The following CHODL variants were observed in gnomAD, a reference collection of about 807,000 sequenced individuals.
CHODL encodes the protein transmembrane protein MT75.
A neutral mutation model predicts 34.5 loss-of-function variants in CHODL; 29 were observed. The observed-to-expected ratio is 0.84, with a 90% CI of 0.63 to 1.15. CHODL has a LOEUF of 1.15. Ranked by LOEUF, CHODL falls within the 50% of genes most tolerant of loss-of-function variation. The pLI, the probability that CHODL is intolerant of heterozygous loss-of-function variation, is 0.00. For synonymous variants in CHODL, 125 were observed against 116.1 expected (o/e 1.08, Z -0.49); for missense variants, 332 against 332.5 (o/e 1.00, Z 0.01).
intron 2 of CHODL, among the ~76,000 whole-genome samples, chr21:18,150,951 G>A (rs2072957634): frequency 6.6e-6 from 1 of 151,940 alleles, no homozygotes; most frequent in African/African-American, 2.4e-5. Flanking sequence ...GGGCATGATG[G>A]CAGGCACCTG....
chr21:18,242,463 C>T (rs182876386), upstream of CHODL, among the ~76,000 whole-genome samples: 569 of 151,302 alleles, frequency 3.8e-3, 3 homozygotes, highest in Non-Finnish European at 6.2e-3. Context: ...AAGCTTCCAT[C>T]AGGGCTCTCC....
intron 1 of CHODL, among the ~76,000 whole-genome samples, chr21:17,931,103 T>A (rs2063269206): frequency 6.6e-6 from 1 of 152,186 alleles, no homozygotes; most frequent in Non-Finnish European, 1.5e-5. Flanking sequence ...GCAGCAACCT[T>A]GGCACATTTC....
intron 1 of CHODL, among the ~76,000 whole-genome samples, chr21:18,002,932 G>A (rs2063921368): frequency 6.6e-6 from 1 of 151,974 alleles, no homozygotes; most frequent in African/African-American, 2.4e-5. Context: ...GACCATCCGG[G>A]CTAACACGGT....
chr21:18,266,039 T>TAAC lies in CHODL; in HGVS notation c.*2_*4dup, dbSNP rs1347619507. 3 of 1,613,576 alleles carry TAAC rather than the reference T, an allele frequency of 1.9e-6. No homozygotes were observed. Among genetic ancestry groups the TAAC allele is most frequent in the Non-Finnish European group, 2.5e-6 (3 of 1,179,710 alleles). ...AAAAGAAAGTGGCATGGAAGTATAA[T>TAAC]AACTCATTGACTTGGTTCCAGAATT... On this transcript the variant is annotated 3_prime_UTR_variant, in exon 6 of 6. Coordinates refer to ENST00000299295, the MANE Select transcript of CHODL (RefSeq NM_024944.3).
At chr21:18,047,619 A>C (rs1012065853) in intron 2 of CHODL, among the ~76,000 whole-genome samples, 5 of 151,922 alleles carry the variant, frequency 3.3e-5, no homozygotes, top group African/African-American at 9.7e-5. Context: ...TCACCGTTGC[A>C]ATAAATATAA....
chr21:18,125,503 C>T (rs533582785), intron 2 of CHODL, among the ~76,000 whole-genome samples: 1 of 151,882 alleles, frequency 6.6e-6, no homozygotes, highest in African/African-American at 2.4e-5. Flanking sequence ...GTGAGGAAAA[C>T]GTTTCTCACT....
chr21:18,154,988 G>A (rs2146633535), intron 2 of CHODL, among the ~76,000 whole-genome samples: 2 of 152,302 alleles, frequency 1.3e-5, no homozygotes, highest in Middle Eastern at 3.4e-3. Context: ...GTAGGGCATA[G>A]CTTGGTTGTG....
chr21:18,113,024 G>T (rs2065370071), intron 2 of CHODL, among the ~76,000 whole-genome samples: 1 of 152,084 alleles, frequency 6.6e-6, no homozygotes, highest in Non-Finnish European at 1.5e-5. Flanking sequence ...CCCTCTGACA[G>T]GGTATAAATA....
chr21:17,943,026 G>T (rs560723901), intron 1 of CHODL, among the ~76,000 whole-genome samples: 1 of 152,288 alleles, frequency 6.6e-6, no homozygotes, highest in South Asian at 2.1e-4. Context: ...AGTTTCCTGA[G>T]GCCTCCCCAG....
chr21:18,253,056 G>C (rs905893183), intron 1 of CHODL, among the ~76,000 whole-genome samples: 4 of 152,040 alleles, frequency 2.6e-5, no homozygotes, highest in Non-Finnish European at 5.9e-5. Flanking sequence ...ACATAATGGT[G>C]TTAGAAATTT....
intron 2 of CHODL, among the ~76,000 whole-genome samples, chr21:18,077,188 T>C (rs1390523378): frequency 6.6e-6 from 1 of 152,178 alleles, no homozygotes; most frequent in Non-Finnish European, 1.5e-5. Context: ...ATTTCTTCTT[T>C]CCTATTTTCC....
chr21:18,121,680 G>T (rs1313217533), intron 2 of CHODL, among the ~76,000 whole-genome samples: 1 of 152,094 alleles, frequency 6.6e-6, no homozygotes, highest in African/African-American at 2.4e-5. Flanking sequence ...TGAGTGAGGG[G>T]TGTTCGTTCT....
chr21:18,174,123 GTATA>G (rs1159511070), intron 2 of CHODL, among the ~76,000 whole-genome samples: 641 of 21,498 alleles, frequency 0.03, 41 homozygotes, highest in Middle Eastern at 0.17. Context: ...ATATCTTGGT[GTATA>G]TATATATATA....
chr21:18,126,325 T>G (rs1394143810), intron 2 of CHODL, among the ~76,000 whole-genome samples: 1 of 152,202 alleles, frequency 6.6e-6, no homozygotes, highest in Non-Finnish European at 1.5e-5. Context: ...GGCATGTACA[T>G]TTTTTAAGAA....
intron 2 of CHODL, among the ~76,000 whole-genome samples, chr21:18,056,798 C>T (rs909384707): frequency 9.9e-5 from 15 of 152,014 alleles, no homozygotes; most frequent in African/African-American, 3.4e-4. Context: ...TCTAATTTTT[C>T]TGAGGAGATT....
chr21:18,135,719 T>C (rs1030431778), intron 2 of CHODL, among the ~76,000 whole-genome samples: 1 of 152,190 alleles, frequency 6.6e-6, no homozygotes, highest in Non-Finnish European at 1.5e-5. Flanking sequence ...TGAAACCAAA[T>C]ATGACTCTTG....
intron 2 of CHODL, among the ~76,000 whole-genome samples, chr21:18,112,767 A>G (rs1345370594): frequency 6.6e-6 from 1 of 152,216 alleles, no homozygotes; most frequent in Non-Finnish European, 1.5e-5. Flanking sequence ...AATCAAATCT[A>G]AATGCACCAA....
Position 17,919,556 on chromosome 21 carries a change from G to T in CHODL, c.-145+2156G>T, listed in dbSNP as rs182436885. On this transcript the variant is annotated intron_variant, in intron 1 of 6. Coordinates refer to the CHODL transcript ENST00000400127. Reference sequence around the variant, plus strand: ...CAGAGGGACCCTAGGTCTGGCCCACGAAACCATTTTTTCCTCCTAAATCTC... The same window carrying T: ...CAGAGGGACCCTAGGTCTGGCCCACTAAACCATTTTTTCCTCCTAAATCTC... Among the ~76,000 whole-genome samples the T allele has an allele frequency of 9.9e-5, 15 of 152,160 alleles. 1 individual carries two copies. The highest frequency in any genetic ancestry group is 3.3e-4 in the Admixed American group (5 of 15,296).
chr21:18,023,055 T>A (rs1159562145), intron 1 of CHODL, among the ~76,000 whole-genome samples: 2 of 152,334 alleles, frequency 1.3e-5, no homozygotes, highest in African/African-American at 4.8e-5. Context: ...CTCATAGTTA[T>A]ATGAGAGCAA....
Sources: gnomAD v4.1 joint callset for allele counts (sites outside exome capture counted in the v4.1 genomes callset) on GRCh38, gnomAD v4.1.1 for gene constraint, MANE v1.5 for transcripts, NCBI Gene and HGNC (gene_info 2026-07-23, HGNC 2026-07-21) for gene names.